Variants in LRRCC1 observed in about 807,000 individuals in gnomAD.
LRRCC1 encodes leucine rich repeat and coiled-coil centrosomal protein 1, also known as leucine-rich repeat and coiled-coil domain-containing protein 1.
Under a neutral mutation model 126.0 loss-of-function variants are expected in LRRCC1, and 115 were observed. The ratio of observed to expected loss-of-function variants is 0.91; its 90% CI spans 0.78 to 1.07. The LOEUF (loss-of-function observed/expected upper bound fraction) is 1.07, where lower values mean the gene tolerates loss of function less well. Ranked by LOEUF, LRRCC1 falls within the 50% of genes least tolerant of loss-of-function variation. LRRCC1 has a pLI of 0.00. For synonymous variants in LRRCC1, 400 were observed against 393.4 expected, an observed-to-expected ratio of 1.02 and a Z score of -0.20; for missense variants, 1,172 against 1,175.7, an observed-to-expected ratio of 1.00 and a Z score of 0.05.
At chr8:85,136,650 A>G (rs775221856) in intron 14 of LRRCC1, among the ~76,000 whole-genome samples, 2 of 152,222 alleles carry the variant, frequency 1.3e-5, no homozygotes, top group Admixed American at 6.5e-5. Context: ...GATATATGCA[A>G]CATTTATTGT....
rs1289419962 is a variant in LRRCC1, at chr8:85,109,729, T to C, written c.239T>C (p.Ile80Thr). The change falls in exon 2 of 19, where the codon ATT becomes ACT. Residue 80 changes from isoleucine (I) to threonine (T), a missense_variant. By Grantham distance (89) the Ile-to-Thr change is moderately conservative. Transcript: ENST00000360375. Reference sequence around the variant, plus strand: ...CTGTCATCTAATCAAATAAGTAGAATTGAAGGACTAAACACACTGACAAAA... The same window carrying C: ...CTGTCATCTAATCAAATAAGTAGAACTGAAGGACTAAACACACTGACAAAA... ...LDLSSNQISR[I>T]EGLNTLTKLC... 3.1e-6 allele frequency: 5 copies of C among 1,603,984 alleles called. No individual in the cohort carries two copies. Among genetic ancestry groups the C allele is most frequent in the Non-Finnish European group, 4.3e-6 (5 of 1,171,518 alleles).
Position 85,131,839 on chromosome 8 carries a change from A to T in LRRCC1, c.1846A>T (p.Lys616Ter). 6.8e-6 allele frequency: 11 copies of T among 1,613,794 alleles called. No homozygotes were observed. Among genetic ancestry groups the T allele is most frequent in the Non-Finnish European group, 9.3e-6 (11 of 1,179,810 alleles). ...AGCTAAAGAAATAGCCAAAGAAGAG[A>T]AAAAGCATGAGCAAATGATAAAAGA... ...ALAKEIAKEE[K>*]KHEQMIKEYQ... Residue 616 changes from lysine (K) to a stop codon, truncating the protein, a stop_gained, in exon 12 of 19, where the codon AAA becomes TAA. Coordinates refer to ENST00000360375, the MANE Select transcript of LRRCC1 (RefSeq NM_033402.5). LOFTEE classifies it high-confidence loss of function.
chr8:85,127,460 G>C (rs1047371431), intron 9 of LRRCC1, among the ~76,000 whole-genome samples: 2 of 152,024 alleles, frequency 1.3e-5, no homozygotes, highest in African/African-American at 4.8e-5. Context: ...AACATGTTTA[G>C]AGTTTCTTAT....
Position 85,138,157 on chromosome 8 carries a change from G to A in LRRCC1, c.2616G>A (p.Leu872=), listed in dbSNP as rs765806932. ...SSQLDEVLEK[L]ERHNERKEKL... is the part of the protein sequence containing the mutation. ...AACTGGATGAGGTACTTGAGAAGTT[G>A]GAAAGGCACAATGAAAGAAAAGAAA... Residue 872 remains leucine (L), a synonymous_variant, in exon 16 of 19, where the codon TTG becomes TTA. Coordinates refer to ENST00000360375, the MANE Select transcript of LRRCC1 (RefSeq NM_033402.5). 129 of 1,611,406 alleles carry A rather than the reference G, an allele frequency of 8.0e-5. No homozygotes were observed. The highest frequency in any genetic ancestry group is 1.1e-4 in the Non-Finnish European group (125 of 1,178,814).
rs1414451533 is a variant in LRRCC1 at position 85,137,487 on chromosome 8, G to A, written c.2353G>A (p.Gly785Arg). 1.9e-6 allele frequency: 3 copies of A among 1,555,222 alleles called. No individual in the cohort carries two copies. Among genetic ancestry groups the A allele is most frequent in the East Asian group, 4.8e-5 (2 of 41,594 alleles). ...QQGSSLAQNR[G>R]KLEAQIESLS... is the part of the protein sequence containing the mutation. ...AGGATCTTCTCTAGCCCAAAATCGT[G>A]GAAAATTGGAGGCTCAAATTGAGAG... The change falls in exon 15 of 19, where the codon GGA becomes AGA. Residue 785 changes from glycine to arginine, a missense_variant. By Grantham distance (125) the Gly-to-Arg change is moderately radical. Transcript: ENST00000360375.
chr8:85,113,417 T>G (rs1015583816), intron 4 of LRRCC1, among the ~76,000 whole-genome samples: 1 of 152,088 alleles, frequency 6.6e-6, no homozygotes, highest in Admixed American at 6.6e-5. Context: ...TAGAATCTCT[T>G]TTTCTACTAA....
At chr8:85,107,545 C>T (rs999274886) in intron 1 of LRRCC1, 146 bp downstream of exon 1, 6 of 650,656 alleles carry the variant, frequency 9.2e-6, no homozygotes, top group African/African-American at 1.8e-5. Context: ...CCTCCCCGCT[C>T]CTCCAAAACT....
intron 9 of LRRCC1, among the ~76,000 whole-genome samples, chr8:85,127,805 C>A (rs990081656): frequency 6.6e-6 from 1 of 152,178 alleles, no homozygotes; most frequent in Admixed American, 6.5e-5. Flanking sequence ...ATCACTAGCC[C>A]TTCTACCACT....
chr8:85,109,330 G>C, intron 1 of LRRCC1: 1 of 443,122 alleles, frequency 2.3e-6, no homozygotes, highest in Non-Finnish European at 4.0e-6. Flanking sequence ...AATATATGCT[G>C]ATGACTGCAC....
At chr8:85,141,350 C>CAT (rs1811236133) in intron 17 of LRRCC1, 32 bp from the exon 18 acceptor site, 6 of 1,562,180 alleles carry the variant, frequency 3.8e-6, no homozygotes, top group Non-Finnish European at 5.3e-6. Context: ...CACATATACA[C>CAT]ATATATATGT....
intron 11 of LRRCC1, among the ~76,000 whole-genome samples, chr8:85,130,914 C>A (rs998802080): frequency 6.6e-6 from 1 of 152,138 alleles, no homozygotes; most frequent in African/African-American, 2.4e-5. Context: ...GGCAGTAGGT[C>A]ACATTTGGCT....
intron 18 of LRRCC1, among the ~76,000 whole-genome samples, chr8:85,142,073 A>G (rs1811290965): frequency 6.6e-6 from 1 of 152,164 alleles, no homozygotes; most frequent in Admixed American, 6.5e-5. Context: ...AGGCGGGTGG[A>G]TCATGAGGTT....
At chr8:85,120,728 C>CT (rs1246689958) in intron 6 of LRRCC1, among the ~76,000 whole-genome samples, 7 of 152,172 alleles carry the variant, frequency 4.6e-5, no homozygotes. Context: ...TGACTAGCTT[C>CT]TTTCACTTAG....
At chr8:85,138,002 A>G in intron 15 of LRRCC1, 33 bp from the exon 16 acceptor site, 1 of 1,117,688 alleles carries the variant, frequency 8.9e-7, no homozygotes, top group Non-Finnish European at 1.3e-6. Context: ...ATTTAAAGTT[A>G]ATAAAAACAA....
At chr8:85,132,342 C>T (rs1258406811) in intron 12 of LRRCC1, among the ~76,000 whole-genome samples, 3 of 138,992 alleles carry the variant, frequency 2.2e-5, no homozygotes, top group African/African-American at 8.2e-5. Flanking sequence ...TCTATGGCTG[C>T]TTTTCCATTA....
intron 2 of LRRCC1, 116 bp from the exon 3 acceptor site, chr8:85,109,999 G>A: frequency 3.2e-6 from 2 of 616,076 alleles, no homozygotes; most frequent in South Asian, 2.4e-5. Flanking sequence ...TGATTTCGCT[G>A]TTACCAGACT....
At chr8:85,127,613 TAC>T (rs1307648793) in intron 9 of LRRCC1, among the ~76,000 whole-genome samples, 3 of 152,228 alleles carry the variant, frequency 2.0e-5, no homozygotes, top group African/African-American at 7.2e-5. Context: ...TAAGTTGATG[TAC>T]ACAGTTCACA....
chr8:85,116,883 T>C (rs1163122837), intron 6 of LRRCC1, among the ~76,000 whole-genome samples: 1 of 152,168 alleles, frequency 6.6e-6, no homozygotes, highest in Admixed American at 6.5e-5. Flanking sequence ...GTTTCAGAAA[T>C]CCATAGAGAT....
rs765425761 is a variant in LRRCC1, at chr8:85,126,791, A to G, written c.1375A>G (p.Asn459Asp). 3 of 1,612,726 alleles carry G rather than the reference A, an allele frequency of 1.9e-6. No homozygotes were observed. The highest frequency in any genetic ancestry group is 1.3e-5 in the African/African-American group (1 of 74,914). ...TATTGATGAGCTGCATAAACATGCA[A>G]ATGAAAAAGAGGATATTCATAGTCT... ...DYIDELHKHA[N>D]EKEDIHSLAL... The change falls in exon 9 of 19, where the codon AAT becomes GAT. Residue 459 changes from asparagine to aspartate, a missense_variant. Transcript: ENST00000360375.
Sources: allele counts gnomAD v4.1 joint callset (sites outside exome capture counted in the v4.1 genomes callset), GRCh38; gene constraint gnomAD v4.1.1; transcripts MANE v1.5; gene names NCBI Gene and HGNC (gene_info 2026-07-23, HGNC 2026-07-21).